Variants in GALNT16 observed in about 807,000 individuals in gnomAD.
GALNT16 encodes the protein UDP-GalNAc:polypeptide N-acetylgalactosaminyltransferase-like protein 1.
GALNT16 carries 40 observed loss-of-function variants against 76.1 expected under a neutral mutation model. That is an observed-to-expected ratio of 0.53 (90% CI 0.41 to 0.68). The LOEUF (loss-of-function observed/expected upper bound fraction) is 0.68, where lower values mean the gene tolerates loss of function less well. Among genes scored for constraint, GALNT16 ranks in the 30% least tolerant of loss-of-function variants. The pLI, the probability that GALNT16 is intolerant of heterozygous loss-of-function variation, is 0.00. For synonymous variants in GALNT16, 276 were observed against 285.2 expected (o/e 0.97, Z 0.32); for missense variants, 621 against 731.9 (o/e 0.85, Z 1.75).
the GALNT16 span, chr14:69,380,435 C>G: frequency 1.5e-6 from 1 of 651,980 alleles, no homozygotes; most frequent in East Asian, 2.7e-5. Flanking sequence ...TAGAGTATAA[C>G]AAAGTGGAAA....
intron 1 of GALNT16, among the ~76,000 whole-genome samples, chr14:69,282,925 C>T (rs1488850056): frequency 6.6e-6 from 1 of 152,118 alleles, no homozygotes; most frequent in Non-Finnish European, 1.5e-5. Context: ...CTTTGCCTCC[C>T]AAAGTTTTGG....
Position 69,353,786 on chromosome 14 carries a change from T to C in GALNT16, c.*1618T>C, listed in dbSNP as rs2045666885. ...ATCCCCAAAGGGCCTGAACCTCTGC[T>C]CTGGATTGAAGCCACTGTCTGCCCA... On this transcript the variant is annotated 3_prime_UTR_variant, in exon 15 of 15. Transcript: ENST00000448469. The C allele has an allele frequency of 6.6e-6, 1 of 152,326 alleles. No individual in the cohort carries two copies. The highest frequency in any genetic ancestry group is 1.5e-5 in the Non-Finnish European group (1 of 68,152). The allele number at this position is 152,326 out of a possible 1,614,324, so 9.4% of individuals were successfully genotyped here.
chr14:69,326,135 T>C (rs375501258), intron 5 of GALNT16, 108 bp downstream of exon 5: 24 of 832,968 alleles, frequency 2.9e-5, no homozygotes, highest in Middle Eastern at 2.3e-4. Context: ...ATGGTCCTGC[T>C]GCATTCCTGA....
chr14:69,287,224 T>TA (rs1452281554), intron 1 of GALNT16, among the ~76,000 whole-genome samples: 1 of 152,254 alleles, frequency 6.6e-6, no homozygotes, highest in Non-Finnish European at 1.5e-5. Context: ...CAATTGCCAT[T>TA]GACATCATTG....
At chr14:69,317,390 C>T (rs79192675) in intron 1 of GALNT16, among the ~76,000 whole-genome samples, 9,984 of 152,256 alleles carry the variant, frequency 0.066, 390 homozygotes, top group Non-Finnish European at 0.092. Context: ...TCTCCAGCTC[C>T]GCTCTGAGCT....
chr14:69,296,491 C>T (rs1453196974), intron 1 of GALNT16, among the ~76,000 whole-genome samples: 2 of 152,072 alleles, frequency 1.3e-5, no homozygotes, highest in African/African-American at 2.4e-5. Context: ...TTCAGGAGTT[C>T]AAGACCAGCC....
chr14:69,291,667 G>A (rs1014139726), intron 1 of GALNT16, among the ~76,000 whole-genome samples: 2 of 152,176 alleles, frequency 1.3e-5, no homozygotes, highest in African/African-American at 4.8e-5. Flanking sequence ...GACAATCCTC[G>A]CCTCTGCCAG....
chr14:69,299,281 A>T (rs2044813471), intron 1 of GALNT16, among the ~76,000 whole-genome samples: 1 of 152,166 alleles, frequency 6.6e-6, no homozygotes, highest in Non-Finnish European at 1.5e-5. Flanking sequence ...TTCCTCCAGA[A>T]TTGTTTGTCA....
At chr14:69,264,157 G>A (rs1467968240) in intron 1 of GALNT16, among the ~76,000 whole-genome samples, 1 of 152,166 alleles carries the variant, frequency 6.6e-6, no homozygotes. Context: ...CTCATTTTCG[G>A]TATAGGTGCA....
chr14:69,326,374 C>T (rs2045284954), intron 5 of GALNT16, among the ~76,000 whole-genome samples: 1 of 152,260 alleles, frequency 6.6e-6, no homozygotes, highest in Non-Finnish European at 1.5e-5. Flanking sequence ...TGTGATCTCA[C>T]TTCCAATCCA....
chr14:69,296,802 GAGCT>G (rs1373980514), intron 1 of GALNT16, among the ~76,000 whole-genome samples: 7 of 108,460 alleles, frequency 6.5e-5, no homozygotes, highest in African/African-American at 1.7e-4. Flanking sequence ...CAGACAGATA[GAGCT>G]AGATAGATAG....
At chr14:69,349,863 C>T (rs1398680987) in intron 14 of GALNT16, 1 of 152,146 alleles carries the variant, frequency 6.6e-6, no homozygotes, top group Non-Finnish European at 1.5e-5. Context: ...AGTGAGAATC[C>T]CGCTGTTTGG....
chr14:69,338,622 C>T, intron 9 of GALNT16, 29 bp from the exon 10 acceptor site: 1 of 1,606,560 alleles, frequency 6.2e-7, no homozygotes, highest in Non-Finnish European at 8.5e-7. Flanking sequence ...GAACCCCTTC[C>T]TCCTCCTGAC....
At chr14:69,306,802 C>T (rs1203821054) in intron 1 of GALNT16, among the ~76,000 whole-genome samples, 1 of 152,118 alleles carries the variant, frequency 6.6e-6, no homozygotes, top group Non-Finnish European at 1.5e-5. Flanking sequence ...ATAGAAGAGG[C>T]CATGTGCCAA....
intron 1 of GALNT16, among the ~76,000 whole-genome samples, chr14:69,319,072 C>T (rs1019717487): frequency 3.9e-5 from 6 of 152,278 alleles, no homozygotes; most frequent in African/African-American, 1.4e-4. Flanking sequence ...TTCCACACAG[C>T]AGCCACAGCA....
At chr14:69,385,002 C>G in the GALNT16 span, among the ~76,000 whole-genome samples, 2 of 152,168 alleles carry the variant, frequency 1.3e-5, no homozygotes, top group Non-Finnish European at 2.9e-5. Flanking sequence ...ATTCTCTGAT[C>G]ACCACTTCCT....
At chr14:69,303,476 C>G (rs1406800451) in intron 1 of GALNT16, among the ~76,000 whole-genome samples, 1 of 152,170 alleles carries the variant, frequency 6.6e-6, no homozygotes, top group African/African-American at 2.4e-5. Context: ...GTAAGCTGTA[C>G]ACTAGGCCCA....
intron 1 of GALNT16, among the ~76,000 whole-genome samples, chr14:69,267,975 G>GA (rs2044361372): frequency 6.6e-6 from 1 of 152,134 alleles, no homozygotes; most frequent in African/African-American, 2.4e-5. Flanking sequence ...CAGAGACCTC[G>GA]ACCACATGTA....
chr14:69,308,111 C>T (rs998957242), intron 1 of GALNT16, among the ~76,000 whole-genome samples: 10 of 152,278 alleles, frequency 6.6e-5, no homozygotes, highest in African/African-American at 2.2e-4. Context: ...GACGGTACCT[C>T]GGCCCTCAGA....
Sources: gnomAD v4.1 joint callset for allele counts (sites outside exome capture counted in the v4.1 genomes callset) on GRCh38, gnomAD v4.1.1 for gene constraint, MANE v1.5 for transcripts, NCBI Gene and HGNC (gene_info 2026-07-23, HGNC 2026-07-21) for gene names.